Variants in CCDC192 observed in about 807,000 individuals in gnomAD.
The protein encoded by CCDC192 is coiled-coil domain containing 192.
intron 2 of CCDC192, among the ~76,000 whole-genome samples, chr5:127,732,859 G>A (rs1413460514): frequency 3.3e-5 from 5 of 152,158 alleles, no homozygotes; most frequent in Admixed American, 2.0e-4. Context: ...GTGGCAGGAG[G>A]AAGGAGAGCA....
chr5:127,771,073 G>T (rs1755524380), intron 3 of CCDC192, among the ~76,000 whole-genome samples: 1 of 152,132 alleles, frequency 6.6e-6, no homozygotes, highest in Non-Finnish European at 1.5e-5. Flanking sequence ...ATTGATTCAG[G>T]ACAGGTTATA....
At chr5:127,755,589 T>C (rs1754529249) in intron 3 of CCDC192, among the ~76,000 whole-genome samples, 1 of 151,616 alleles carries the variant, frequency 6.6e-6, no homozygotes, top group African/African-American at 2.4e-5. Context: ...GTTTTTTTTT[T>C]TTTCTAAAAT....
At chr5:127,747,255 C>G (rs577107486) in intron 2 of CCDC192, among the ~76,000 whole-genome samples, 14 of 151,968 alleles carry the variant, frequency 9.2e-5, no homozygotes, top group African/African-American at 2.9e-4. Context: ...ATCCCTCCCC[C>G]CTCTCCCCAC....
chr5:127,785,040 G>T, intron 3 of CCDC192: 1 of 487,918 alleles, frequency 2.0e-6, no homozygotes. Flanking sequence ...ATGCCAAAAT[G>T]TCCATTTTAA....
chr5:127,938,591 CATAAA>C (rs916705516), intron 6 of CCDC192, among the ~76,000 whole-genome samples: 21 of 152,154 alleles, frequency 1.4e-4, no homozygotes, highest in Non-Finnish European at 1.6e-4. Flanking sequence ...TTTTTAAAAA[CATAAA>C]AATAAGTCAG....
intron 5 of CCDC192, among the ~76,000 whole-genome samples, chr5:127,865,803 G>C (rs146700216): frequency 6.6e-6 from 1 of 151,872 alleles, no homozygotes; most frequent in African/African-American, 2.4e-5. Flanking sequence ...GTTCAGCTTT[G>C]ATCACTGGGT....
chr5:127,899,649 G>A lies in CCDC192; in HGVS notation c.535+23988G>A, dbSNP rs541723486. 1.1e-4 allele frequency among the ~76,000 whole-genome samples: 16 copies of A among 152,124 alleles called. 1 individual carries two copies. In the South Asian group the frequency reaches 2.9e-3, roughly 28 times the overall value. ...AACCCAATCACCCAGCAGTGAATCT[G>A]TTGATTCTAAGCTCGTTTGTGGGCT... is the stretch of plus-strand genomic sequence containing the variant. On this transcript the variant is annotated intron_variant, in intron 6 of 6. Transcript: ENST00000514853.
chr5:127,883,061 A>T (rs911437914), intron 6 of CCDC192, among the ~76,000 whole-genome samples: 1 of 152,176 alleles, frequency 6.6e-6, no homozygotes, highest in Non-Finnish European at 1.5e-5. Context: ...GTCAAAAACC[A>T]CTGCTCACCA....
intron 2 of CCDC192, among the ~76,000 whole-genome samples, chr5:127,750,353 G>A (rs1438704850): frequency 2.0e-5 from 3 of 152,140 alleles, no homozygotes; most frequent in African/African-American, 7.2e-5. Flanking sequence ...CTTTATTTCT[G>A]CCTTCATTTC....
chr5:127,733,343 G>A (rs142733764), intron 2 of CCDC192, among the ~76,000 whole-genome samples: 181 of 152,168 alleles, frequency 1.2e-3, no homozygotes, highest in Middle Eastern at 6.8e-3. Flanking sequence ...TGGACCAGCC[G>A]TTATACTAAG....
intron 6 of CCDC192, among the ~76,000 whole-genome samples, chr5:127,939,024 G>T (rs922823072): frequency 6.6e-6 from 1 of 151,694 alleles, no homozygotes; most frequent in Admixed American, 6.6e-5. Flanking sequence ...CAGGCTTATC[G>T]CAGAGGCAAT....
intron 3 of CCDC192, among the ~76,000 whole-genome samples, chr5:127,778,210 A>G (rs1304885912): frequency 1.3e-5 from 2 of 152,186 alleles, no homozygotes; most frequent in African/African-American, 4.8e-5. Flanking sequence ...CTTACCAGAA[A>G]AGCTTTCTGT....
intron 3 of CCDC192, among the ~76,000 whole-genome samples, chr5:127,777,353 C>A (rs184367471): frequency 1.5e-3 from 230 of 152,322 alleles, no homozygotes; most frequent in African/African-American, 5.3e-3. Flanking sequence ...GGGCCAATTT[C>A]TCCCATTTGG....
intron 4 of CCDC192, among the ~76,000 whole-genome samples, chr5:127,797,771 A>ATT (rs1348573473): frequency 1.4e-3 from 39 of 27,432 alleles, no homozygotes; most frequent in Non-Finnish European, 3.2e-3. Flanking sequence ...ATATATATAT[A>ATT]TATATATTTA....
chr5:127,877,931 C>T (rs1284841215), intron 6 of CCDC192, among the ~76,000 whole-genome samples: 1 of 152,172 alleles, frequency 6.6e-6, no homozygotes, highest in Admixed American at 6.5e-5. Flanking sequence ...GATTTACCGG[C>T]ACATGTAAAC....
At chr5:127,709,849 TG>T (rs1429354547) in intron 2 of CCDC192, among the ~76,000 whole-genome samples, 1 of 152,170 alleles carries the variant, frequency 6.6e-6, no homozygotes, top group Non-Finnish European at 1.5e-5. Flanking sequence ...CTCTGGTTGG[TG>T]GGGACCCTTG....
chr5:127,798,165 A>G lies in CCDC192; in HGVS notation c.411+3A>G, dbSNP rs1234582931. On this transcript the variant is annotated splice_donor_region_variant and intron_variant, in intron 5 of 6. Coordinates refer to ENST00000514853, the MANE Select transcript of CCDC192 (RefSeq NM_001317938.2). ...CCCAGGAGCAACTTATAGCCCAGGT[A>G]AGTGTTTTCCTCCTTTTTTCATCCC... 4 of 398,220 alleles carry G rather than the reference A, an allele frequency of 1.0e-5. No homozygotes were observed. Among genetic ancestry groups the G allele is most frequent in the African/African-American group, 4.1e-5 (2 of 48,584 alleles). 24.7% of individuals were successfully genotyped at this position (398,220 alleles called of 1,614,324 possible).
chr5:127,939,708 C>T (rs1471185015), intron 6 of CCDC192, among the ~76,000 whole-genome samples: 3 of 148,588 alleles, frequency 2.0e-5, no homozygotes, highest in East Asian at 2.0e-4. Context: ...TTTTTGCCTG[C>T]GCGCACTACT....
intron 5 of CCDC192, among the ~76,000 whole-genome samples, chr5:127,808,518 A>T (rs536912948): frequency 6.6e-6 from 1 of 151,512 alleles, no homozygotes; most frequent in Non-Finnish European, 1.5e-5. Context: ...GTCTCCTGAT[A>T]CTCTCCCGCT....
Sources: allele counts gnomAD v4.1 joint callset (sites outside exome capture counted in the v4.1 genomes callset), GRCh38; gene constraint gnomAD v4.1.1; transcripts MANE v1.5; gene names NCBI Gene and HGNC (gene_info 2026-07-23, HGNC 2026-07-21).